The following ERBIN variants were observed in gnomAD, a reference collection of about 807,000 sequenced individuals.
ERBIN encodes densin-180-like protein.
Under a neutral mutation model 158.4 loss-of-function variants are expected in ERBIN, and 60 were observed. The ratio of observed to expected loss-of-function variants is 0.38; its 90% CI spans 0.31 to 0.47. The LOEUF is 0.47. Among genes scored for constraint, ERBIN ranks in the 20% least tolerant of loss-of-function variants. ERBIN has a pLI of 0.99. For synonymous variants in ERBIN, 594 were observed against 557.2 expected, an observed-to-expected ratio of 1.07 and a Z score of -0.93; for missense variants, 1,610 against 1,648.0, an observed-to-expected ratio of 0.98 and a Z score of 0.40.
At chr5:65,938,701 C>T (rs900627489) in intron 1 of ERBIN, among the ~76,000 whole-genome samples, 8 of 152,038 alleles carry the variant, frequency 5.3e-5, no homozygotes, top group East Asian at 3.8e-4. Context: ...TACAGGTGCA[C>T]GCCATCATGC....
intron 2 of ERBIN, among the ~76,000 whole-genome samples, chr5:65,989,673 A>G (rs1166021801): frequency 2.6e-5 from 4 of 152,212 alleles, no homozygotes; most frequent in African/African-American, 4.8e-5. Context: ...ACATCTTTAT[A>G]TGTTATCTTT....
chr5:66,012,843 T>C (rs1176641862), intron 5 of ERBIN, among the ~76,000 whole-genome samples: 1 of 152,230 alleles, frequency 6.6e-6, no homozygotes, highest in Non-Finnish European at 1.5e-5. Context: ...CGTAGGTTGT[T>C]ACATGGCCCT....
At chr5:66,055,072 G>T in intron 21 of ERBIN, 121 bp downstream of exon 21, 1 of 1,421,764 alleles carries the variant, frequency 7.0e-7, no homozygotes, top group Non-Finnish European at 9.2e-7. Flanking sequence ...TTTTTCTCTG[G>T]TACTGGGAAT....
intron 4 of ERBIN, among the ~76,000 whole-genome samples, chr5:66,003,040 A>C (rs1047183337): frequency 2.0e-5 from 3 of 152,174 alleles, no homozygotes; most frequent in Non-Finnish European, 4.4e-5. Context: ...AGGCATTATT[A>C]TTTGTTGTGT....
intron 21 of ERBIN, among the ~76,000 whole-genome samples, chr5:66,066,720 A>G (rs538311501): frequency 1.3e-5 from 2 of 152,224 alleles, no homozygotes; most frequent in Non-Finnish European, 2.9e-5. Context: ...ATTCCAAACC[A>G]TAATATGATT....
At chr5:66,005,369 A>G (rs1191593190) in intron 4 of ERBIN, among the ~76,000 whole-genome samples, 1 of 152,194 alleles carries the variant, frequency 6.6e-6, no homozygotes, top group Non-Finnish European at 1.5e-5. Context: ...AGAAAAAATC[A>G]GGAGCTCAGT....
chr5:66,041,733 C>G (rs1338702951), intron 15 of ERBIN, among the ~76,000 whole-genome samples: 1 of 151,920 alleles, frequency 6.6e-6, no homozygotes, highest in Non-Finnish European at 1.5e-5. Flanking sequence ...AATTACTGCC[C>G]TGGAACAAGG....
At chr5:66,068,968 G>A in intron 21 of ERBIN, 1 of 1,535,702 alleles carries the variant, frequency 6.5e-7, no homozygotes, top group Non-Finnish European at 8.7e-7. Flanking sequence ...AGCCAGGGCA[G>A]TCTTGCCTTG....
At chr5:65,938,029 T>G (rs182787830) in intron 1 of ERBIN, among the ~76,000 whole-genome samples, 3 of 152,370 alleles carry the variant, frequency 2.0e-5, no homozygotes, top group Admixed American at 6.5e-5. Context: ...AAGATAGATT[T>G]CCCATTTATT....
At chr5:66,001,281 A>T (rs1752990183) in intron 4 of ERBIN, among the ~76,000 whole-genome samples, 1 of 152,070 alleles carries the variant, frequency 6.6e-6, no homozygotes, top group Non-Finnish European at 1.5e-5. Flanking sequence ...TCTAATATTT[A>T]AGTTTATCAT....
At chr5:66,040,169 C>G (rs10052841) in intron 15 of ERBIN, among the ~76,000 whole-genome samples, 2 of 151,808 alleles carry the variant, frequency 1.3e-5, no homozygotes, top group South Asian at 4.1e-4. Context: ...AAAATAGATG[C>G]TATTATCATT....
At chr5:65,963,790 TTC>T (rs1245044092) in intron 1 of ERBIN, among the ~76,000 whole-genome samples, 2 of 112,482 alleles carry the variant, frequency 1.8e-5, no homozygotes, top group Non-Finnish European at 3.8e-5. Context: ...TTTCTTTCTT[TTC>T]TTTTTTTTTT....
intron 1 of ERBIN, among the ~76,000 whole-genome samples, chr5:65,952,771 GA>G (rs904481079): frequency 6.6e-6 from 1 of 152,132 alleles, no homozygotes; most frequent in African/African-American, 2.4e-5. Flanking sequence ...ACAGTTTAGT[GA>G]ATACTATTAG....
intron 21 of ERBIN, among the ~76,000 whole-genome samples, chr5:66,070,993 A>T (rs1761478356): frequency 6.6e-6 from 1 of 152,144 alleles, no homozygotes; most frequent in Non-Finnish European, 1.5e-5. Flanking sequence ...ATATATAGGG[A>T]TGTGTTTAGA....
At chr5:65,985,979 G>A (rs1751185682) in intron 1 of ERBIN, among the ~76,000 whole-genome samples, 1 of 151,898 alleles carries the variant, frequency 6.6e-6, no homozygotes, top group East Asian at 1.9e-4. Flanking sequence ...TTTTCTCTTG[G>A]AGTGGGGTGT....
rs762878539 is a variant in ERBIN at position 66,053,493 on chromosome 5, AAAAGATTTT to A, written c.2178_2186del (p.Lys726_Phe728del). On this transcript the variant is annotated inframe_deletion, in exon 21 of 26. Transcript: ENST00000284037. ...AGGAAAAGTTCAAAGCTCATGATAA[AAAAGATTTT>A]AACTTACCTGAATATGATTTGAATG... 1 of 1,608,190 alleles carries A rather than the reference AAAAGATTTT, an allele frequency of 6.2e-7. No individual in the cohort carries two copies. The highest frequency in any genetic ancestry group is 8.5e-7 in the Non-Finnish European group (1 of 1,178,354).
At chr5:65,951,975 T>A (rs748023749) in intron 1 of ERBIN, among the ~76,000 whole-genome samples, 16 of 152,206 alleles carry the variant, frequency 1.1e-4, no homozygotes, top group Non-Finnish European at 1.8e-4. Flanking sequence ...TCATCGTGGA[T>A]TTACTTTGCA....
intron 4 of ERBIN, among the ~76,000 whole-genome samples, chr5:66,002,945 TG>T (rs1431747252): frequency 6.6e-6 from 1 of 152,252 alleles, no homozygotes; most frequent in Non-Finnish European, 1.5e-5. Flanking sequence ...ATGTTTAGAC[TG>T]GTGATTTCTG....
intron 1 of ERBIN, among the ~76,000 whole-genome samples, chr5:65,960,843 G>T (rs1747824766): frequency 6.6e-6 from 1 of 152,106 alleles, no homozygotes; most frequent in African/African-American, 2.4e-5. Flanking sequence ...TAGGTTCTAG[G>T]CTTAGATAAT....
Sources: gnomAD v4.1 joint callset for allele counts (sites outside exome capture counted in the v4.1 genomes callset) on GRCh38, gnomAD v4.1.1 for gene constraint, MANE v1.5 for transcripts, NCBI Gene and HGNC (gene_info 2026-07-23, HGNC 2026-07-21) for gene names.